Variants in GRM7 observed in about 807,000 individuals in gnomAD.
GRM7 encodes metabotropic glutamate receptor 7.
Under a neutral mutation model 84.5 loss-of-function variants are expected in GRM7, and 35 were observed. The observed-to-expected ratio is 0.41, with a 90% CI of 0.32 to 0.55. The LOEUF is 0.55. Ranked by LOEUF, GRM7 falls within the 20% of genes least tolerant of loss-of-function variation. The pLI is 0.19. For missense variants in GRM7, 1,003 were observed against 1,194.6 expected, an observed-to-expected ratio of 0.84 and a Z score of 2.36; for synonymous variants, 487 against 455.1, an observed-to-expected ratio of 1.07 and a Z score of -0.89.
At chr3:7,234,992 T>C (rs1350223268) in intron 2 of GRM7, among the ~76,000 whole-genome samples, 2 of 152,340 alleles carry the variant, frequency 1.3e-5, no homozygotes, top group Non-Finnish European at 2.9e-5. Flanking sequence ...AACTTAACTC[T>C]TTATAATATT....
chr3:7,334,297 T>G (rs1701319064), intron 4 of GRM7, among the ~76,000 whole-genome samples: 1 of 152,052 alleles, frequency 6.6e-6, no homozygotes, highest in Admixed American at 6.6e-5. Flanking sequence ...GGGTCCTATC[T>G]TTAGCCTCCT....
At chr3:7,469,952 A>G (rs1436203867) in intron 7 of GRM7, among the ~76,000 whole-genome samples, 2 of 152,198 alleles carry the variant, frequency 1.3e-5, no homozygotes, top group African/African-American at 2.4e-5. Context: ...AATGTCAGGA[A>G]ATGACATAAG....
chr3:7,298,472 A>C (rs2125021106), intron 2 of GRM7: 1 of 510,964 alleles, frequency 2.0e-6, no homozygotes. Flanking sequence ...GTGTACTATA[A>C]AGAGGATGTC....
intron 9 of GRM7, among the ~76,000 whole-genome samples, chr3:7,682,982 G>A (rs1700439300): frequency 6.6e-6 from 1 of 152,172 alleles, no homozygotes; most frequent in South Asian, 2.1e-4. Flanking sequence ...CACACATGTG[G>A]TTAACAGCAG....
At chr3:7,017,195 C>A (rs1223260990) in intron 1 of GRM7, among the ~76,000 whole-genome samples, 2 of 152,126 alleles carry the variant, frequency 1.3e-5, no homozygotes, top group Non-Finnish European at 2.9e-5. Context: ...GACAAGGGAA[C>A]TTTGGGCTCG....
intron 2 of GRM7, among the ~76,000 whole-genome samples, chr3:7,198,461 T>C (rs539256215): frequency 3.9e-5 from 6 of 152,312 alleles, no homozygotes; most frequent in African/African-American, 9.6e-5. Context: ...AGCTCTACAA[T>C]TGAGACATGC....
Position 7,614,244 on chromosome 3 carries a change from G to A in GRM7, c.2451+34887G>A, listed in dbSNP as rs35709540. Among the ~76,000 whole-genome samples the A allele has an allele frequency of 3.2e-3, 491 of 152,216 alleles. 4 individuals are homozygous for A. The highest frequency in any genetic ancestry group is 8.1e-3 in the South Asian group (39 of 4,812). ...CATGCCACTGCACTGCAGCTTTGGT[G>A]ACAGAGTGAGACTCTGTCTCTAAAT... On this transcript the variant is annotated intron_variant, in intron 8 of 9. Coordinates refer to ENST00000357716, the MANE Select transcript of GRM7 (RefSeq NM_000844.4).
rs575431043 is a variant in GRM7, at chr3:7,414,500, T to A, written c.1034-523T>A. ...ACGAACATTTAAAGTCACACTGTCC[T>A]AAAGAGGAAGCTAGAGAGTTCCTGG... is the stretch of plus-strand genomic sequence containing the variant. On this transcript the variant is annotated intron_variant, in intron 4 of 9. Transcript: ENST00000357716. Among the ~76,000 whole-genome samples, 19 of 152,292 alleles carry A rather than the reference T, an allele frequency of 1.2e-4. No homozygotes were observed. In the East Asian group the frequency reaches 3.7e-3, roughly 29 times the overall value.
intron 5 of GRM7, among the ~76,000 whole-genome samples, chr3:7,436,225 A>G (rs762475809): frequency 5.3e-5 from 8 of 151,530 alleles, no homozygotes; most frequent in Non-Finnish European, 1.0e-4. Context: ...ATCTATTTCT[A>G]CTGTTGTCTT....
At chr3:6,934,892 C>T (rs1265156359) in intron 1 of GRM7, among the ~76,000 whole-genome samples, 2 of 152,080 alleles carry the variant, frequency 1.3e-5, no homozygotes, top group African/African-American at 2.4e-5. Context: ...GACAGTCTTC[C>T]CCCAAACAGA....
intron 7 of GRM7, among the ~76,000 whole-genome samples, chr3:7,498,323 C>T (rs1027611514): frequency 6.6e-6 from 1 of 152,104 alleles, no homozygotes; most frequent in East Asian, 1.9e-4. Flanking sequence ...GAGTTGGGGA[C>T]AGTAATTTGG....
chr3:7,219,927 G>A (rs1575047134), intron 2 of GRM7, among the ~76,000 whole-genome samples: 1 of 152,118 alleles, frequency 6.6e-6, no homozygotes, highest in Admixed American at 6.5e-5. Flanking sequence ...GATGGTAAAA[G>A]TATGTCAAAG....
intron 1 of GRM7, among the ~76,000 whole-genome samples, chr3:6,978,819 C>T (rs1694093133): frequency 6.6e-6 from 1 of 152,138 alleles, no homozygotes; most frequent in Non-Finnish European, 1.5e-5. Context: ...CATGTGTCTG[C>T]TCTTCCAAGT....
intron 2 of GRM7, among the ~76,000 whole-genome samples, chr3:7,166,781 A>G (rs1166974615): frequency 6.6e-6 from 1 of 152,224 alleles, no homozygotes; most frequent in Non-Finnish European, 1.5e-5. Flanking sequence ...TGGGCAGAGC[A>G]GAAGTCACCA....
At chr3:7,499,941 ATT>A (rs1699831890) in intron 7 of GRM7, among the ~76,000 whole-genome samples, 1 of 151,966 alleles carries the variant, frequency 6.6e-6, no homozygotes, top group African/African-American at 2.4e-5. Context: ...CGCCCGGCTA[ATT>A]TTTTGTATTT....
At chr3:7,512,070 A>G (rs1437244286) in intron 7 of GRM7, among the ~76,000 whole-genome samples, 1 of 152,158 alleles carries the variant, frequency 6.6e-6, no homozygotes, top group Non-Finnish European at 1.5e-5. Flanking sequence ...ACTTGAACCC[A>G]GGAAGGAATT....
intron 9 of GRM7, chr3:7,682,336 C>CAAAAAAAAAAAAAAAAAAAATAAAAAAA (rs905940773): frequency 2.0e-5 from 1 of 51,098 alleles, no homozygotes; most frequent in African/African-American, 6.6e-5. Context: ...AACTCCATCT[C>CAAAAAAAAAAAAAAAAAAAATAAAAAAA]AAAAAAAAAA....
intron 4 of GRM7, among the ~76,000 whole-genome samples, chr3:7,394,211 TG>T (rs754092718): frequency 1.8e-4 from 28 of 152,330 alleles, no homozygotes; most frequent in Admixed American, 3.3e-4. Flanking sequence ...CTTCTTGCTC[TG>T]TTTTGAACCA....
chr3:6,998,757 AGCCATG>A (rs1694913439), intron 1 of GRM7, among the ~76,000 whole-genome samples: 1 of 152,194 alleles, frequency 6.6e-6, no homozygotes, highest in African/African-American at 2.4e-5. Flanking sequence ...CACCCTCTGA[AGCCATG>A]GCCTGAGCTG....
Sources: gnomAD v4.1 joint callset for allele counts (sites outside exome capture counted in the v4.1 genomes callset) on GRCh38, gnomAD v4.1.1 for gene constraint, MANE v1.5 for transcripts, NCBI Gene and HGNC (gene_info 2026-07-23, HGNC 2026-07-21) for gene names.